TENM4: variants seen among roughly 807,000 people sequenced by gnomAD.
TENM4 encodes the protein teneurin-4.
Under a neutral mutation model 243.3 loss-of-function variants are expected in TENM4, and 82 were observed. That is an observed-to-expected ratio of 0.34 (90% confidence interval 0.28 to 0.40). The LOEUF (loss-of-function observed/expected upper bound fraction) is 0.40. Ranked by LOEUF, TENM4 falls within the 10% of genes least tolerant of loss-of-function variation. The probability of loss-of-function intolerance (pLI) is 1.00; values close to 1 mark genes in which losing one functional copy is unlikely to be tolerated. For synonymous variants in TENM4, 1,412 were observed against 1,456.3 expected (o/e 0.97, Z 0.69); for missense variants, 3,138 against 3,673.3 (o/e 0.85, Z 3.77).
chr11:79,284,464 T>C (rs1432989008), intron 2 of TENM4, among the ~76,000 whole-genome samples: 1 of 152,148 alleles, frequency 6.6e-6, no homozygotes, highest in Admixed American at 6.6e-5. Flanking sequence ...GAAAGTCTTG[T>C]CAGGAAATGA....
intron 1 of TENM4, among the ~76,000 whole-genome samples, chr11:79,316,339 C>A (rs1324763642): frequency 6.6e-6 from 1 of 152,166 alleles, no homozygotes; most frequent in Non-Finnish European, 1.5e-5. Flanking sequence ...CTGGTTTCGA[C>A]ATCTTTTACC....
chr11:79,417,978 G>C (rs1288311741), intron 1 of TENM4, among the ~76,000 whole-genome samples: 1 of 152,116 alleles, frequency 6.6e-6, no homozygotes, highest in African/African-American at 2.4e-5. Flanking sequence ...TTCCTGGCTG[G>C]GGTGCAGGCT....
At position 78,672,205 on chromosome 11, in the gene TENM4, C is replaced by A. The variant is rs1448780341; in HGVS notation, c.5621G>T (p.Trp1874Leu). ...LYDQAGRPSL[W>L]SPSSRLNGVN... ...ACCATTCAGCCTGCTGCTGGGTGAC[C>A]AGAGGCTGGGCCGCCCCGCCTGGTC... Residue 1874 changes from tryptophan (W) to leucine (L), a missense_variant, in exon 31 of 34, where the codon TGG (tryptophan) becomes TTG (leucine). Physicochemically the swap from Trp to Leu is moderately conservative, Grantham distance 61 (BLOSUM62 -2). Around this residue, in one of 2 missense-constraint regions of TENM4, gnomAD observed 2,467 missense variants for 3,059.1 expected, o/e 0.81. Coordinates refer to ENST00000278550, the MANE Select transcript of TENM4 (RefSeq NM_001098816.3). 2 of 1,613,864 alleles carry A rather than the reference C, an allele frequency of 1.2e-6. No individual in the cohort carries two copies. Among genetic ancestry groups the A allele is most frequent in the East Asian group, 2.2e-5 (1 of 44,898 alleles).
intron 2 of TENM4, among the ~76,000 whole-genome samples, chr11:79,256,598 A>G (rs994461177): frequency 6.6e-6 from 1 of 152,252 alleles, no homozygotes; most frequent in Non-Finnish European, 1.5e-5. Flanking sequence ...TTGAGTTTCC[A>G]TCTCAGAGTT....
chr11:79,300,514 T>A (rs1334598636), intron 1 of TENM4, among the ~76,000 whole-genome samples: 4 of 152,184 alleles, frequency 2.6e-5, no homozygotes, highest in South Asian at 4.1e-4. Flanking sequence ...CTTAACATTT[T>A]AAAAAATTAT....
At chr11:79,009,527 G>A (rs1227891344) in intron 6 of TENM4, among the ~76,000 whole-genome samples, 1 of 152,158 alleles carries the variant, frequency 6.6e-6, no homozygotes, top group African/African-American at 2.4e-5. Flanking sequence ...TTTGTGAGGG[G>A]TTTGGCCCAA....
intron 25 of TENM4, among the ~76,000 whole-genome samples, chr11:78,716,023 A>T (rs899184695): frequency 6.6e-6 from 1 of 152,128 alleles, no homozygotes; most frequent in East Asian, 1.9e-4. Flanking sequence ...TGCACACATG[A>T]CCTCATTTTC....
chr11:78,944,185 A>G (rs149269187), intron 6 of TENM4, among the ~76,000 whole-genome samples: 47 of 152,282 alleles, frequency 3.1e-4, no homozygotes, highest in African/African-American at 1.1e-3. Flanking sequence ...CCTGGGATGA[A>G]CTAGCTGACA....
At chr11:78,770,819 C>A (rs181324932) in intron 18 of TENM4, among the ~76,000 whole-genome samples, 173 bp downstream of exon 18, 1 of 152,332 alleles carries the variant, frequency 6.6e-6, no homozygotes, top group East Asian at 1.9e-4. Flanking sequence ...AATGGAACAC[C>A]TGTGATATGC....
At chr11:78,716,208 C>T (rs866216139) in intron 25 of TENM4, among the ~76,000 whole-genome samples, 6 of 152,100 alleles carry the variant, frequency 3.9e-5, no homozygotes, top group Admixed American at 6.5e-5. Flanking sequence ...CACCCTGCTG[C>T]CCAGGATCTA....
At chr11:79,019,063 A>G (rs779401941) in intron 6 of TENM4, among the ~76,000 whole-genome samples, 10 of 152,176 alleles carry the variant, frequency 6.6e-5, no homozygotes, top group Non-Finnish European at 1.2e-4. Flanking sequence ...GAAGCGAAGC[A>G]AAGACTCTAC....
chr11:78,786,951 C>T lies in TENM4; in HGVS notation c.2312G>A (p.Arg771His), dbSNP rs548492856. Residue 771 changes from arginine (R) to histidine (H), a missense_variant, in exon 16 of 34, where the codon CGC (arginine) becomes CAC (histidine). Transcript: ENST00000278550. The part of the protein sequence containing the change: ...HPRCAEHGTC[R>H]DGKCECSPGW... The stretch of plus-strand genomic sequence containing the variant: ...AGGGCTGCACTCGCACTTGCCGTCG[C>T]GGCAGGTCCCATGCTCGGCACAGCG... The T allele has an allele frequency of 3.7e-6, 6 of 1,603,352 alleles. No homozygotes were observed. In the African/African-American group the frequency reaches 4.0e-5, roughly 11 times the overall value.
chr11:78,754,408 G>A (rs1439535251), intron 19 of TENM4, among the ~76,000 whole-genome samples: 2 of 152,154 alleles, frequency 1.3e-5, no homozygotes, highest in African/African-American at 4.8e-5. Context: ...TAAGCAGCAG[G>A]CTCAGGAAGT....
intron 4 of TENM4, among the ~76,000 whole-genome samples, chr11:79,147,697 A>G (rs72935344): frequency 0.055 from 8,423 of 152,128 alleles, 339 homozygotes; most frequent in Non-Finnish European, 0.078. Context: ...TGTACCAGGT[A>G]CTAGGTGCTT....
intron 1 of TENM4, among the ~76,000 whole-genome samples, chr11:79,426,641 G>A (rs1163338369): frequency 4.6e-5 from 7 of 152,154 alleles, no homozygotes; most frequent in African/African-American, 1.2e-4. Flanking sequence ...ATTTCCTGAC[G>A]GCTGAGCTAT....
intron 2 of TENM4, among the ~76,000 whole-genome samples, chr11:79,236,316 C>T (rs986016848): frequency 1.3e-5 from 2 of 152,140 alleles, no homozygotes; most frequent in Non-Finnish European, 1.5e-5. Flanking sequence ...GCCTTCTAGT[C>T]GAAGTCTCCT....
chr11:78,798,211 T>C (rs1057108763), intron 15 of TENM4, among the ~76,000 whole-genome samples: 2 of 152,262 alleles, frequency 1.3e-5, no homozygotes, highest in African/African-American at 4.8e-5. Flanking sequence ...CTAGTGCAAC[T>C]GCTATGTTTA....
chr11:78,871,747 C>A (rs1277793919), intron 9 of TENM4, among the ~76,000 whole-genome samples: 1 of 152,162 alleles, frequency 6.6e-6, no homozygotes, highest in Non-Finnish European at 1.5e-5. Context: ...GGGGAATGAA[C>A]CCACAGCACG....
intron 12 of TENM4, among the ~76,000 whole-genome samples, chr11:78,847,850 G>T (rs1353409036): frequency 2.6e-5 from 4 of 152,122 alleles, no homozygotes; most frequent in East Asian, 1.9e-4. Flanking sequence ...AAGTAGTGCA[G>T]GTTTTTACAC....
Sources: gnomAD v4.1 joint callset for allele counts (sites outside exome capture counted in the v4.1 genomes callset) on GRCh38, gnomAD v4.1.1 for gene constraint, gnomAD v4.1.1 regional missense constraint, MANE v1.5 for transcripts, NCBI Gene and HGNC (gene_info 2026-07-23, HGNC 2026-07-21) for gene names.